The following CACNA2D3 variants were observed in gnomAD, a reference collection of about 807,000 sequenced individuals.
The protein encoded by CACNA2D3 is voltage-dependent calcium channel subunit alpha-2/delta-3.
Under a neutral mutation model 160.6 loss-of-function variants are expected in CACNA2D3, and 60 were observed. The ratio of observed to expected loss-of-function variants is 0.37; its 90% CI spans 0.30 to 0.46. The LOEUF is 0.46. Ranked by LOEUF, CACNA2D3 falls within the 20% of genes least tolerant of loss-of-function variation. CACNA2D3 has a pLI of 1.00. For synonymous variants in CACNA2D3, 558 were observed against 492.9 expected (o/e 1.13, Z -1.75); for missense variants, 1,205 against 1,365.0 (o/e 0.88, Z 1.85).
intron 2 of CACNA2D3, among the ~76,000 whole-genome samples, chr3:54,135,172 G>A (rs935125609): frequency 2.0e-5 from 3 of 152,204 alleles, no homozygotes; most frequent in Non-Finnish European, 4.4e-5. Flanking sequence ...TTCTCGGGGA[G>A]CTGCTTCTTT....
Position 54,911,079 on chromosome 3 carries a change from T to C in CACNA2D3, c.2449+11211T>C, listed in dbSNP as rs191281103. On this transcript the variant is annotated intron_variant, in intron 27 of 37. Coordinates refer to ENST00000474759, the MANE Select transcript of CACNA2D3 (RefSeq NM_018398.3). ...TCCCATATTATTTTAAATCAAATCT[T>C]AGTCATTACATCGTTTCATTCATAA... 2.7e-3 allele frequency among the ~76,000 whole-genome samples: 409 copies of C among 152,248 alleles called. 1 individual carries two copies. The highest frequency in any genetic ancestry group is 9.4e-3 in the African/African-American group (391 of 41,528).
In CACNA2D3 at chr3:55,051,707, G is replaced by A. The variant is rs544359214; in HGVS notation, c.2988-21738G>A. 8.5e-4 allele frequency among the ~76,000 whole-genome samples: 130 copies of A among 152,214 alleles called. 2 individuals carry two copies. Among genetic ancestry groups the A allele is most frequent in the South Asian group, 7.9e-3 (38 of 4,820 alleles). On this transcript the variant is annotated intron_variant, in intron 35 of 37. Coordinates refer to ENST00000474759, the MANE Select transcript of CACNA2D3 (RefSeq NM_018398.3). ...TGGCGGGCGCCCCTCCCCCAGCCTC[G>A]CTGCCGCCTTGCAGTTTGATCTCAG...
chr3:55,013,454 T>C (rs1172734179), intron 34 of CACNA2D3, among the ~76,000 whole-genome samples: 2 of 152,174 alleles, frequency 1.3e-5, no homozygotes, highest in Non-Finnish European at 2.9e-5. Context: ...ATCTACAGGG[T>C]TGCTGTCATT....
At chr3:54,609,152 G>A (rs1242549620) in intron 9 of CACNA2D3, among the ~76,000 whole-genome samples, 1 of 152,126 alleles carries the variant, frequency 6.6e-6, no homozygotes, top group Non-Finnish European at 1.5e-5. Flanking sequence ...CAATATGGTA[G>A]CTGTTCTTAT....
chr3:54,940,648 G>C (rs1054482158), intron 27 of CACNA2D3, among the ~76,000 whole-genome samples: 1 of 151,190 alleles, frequency 6.6e-6, no homozygotes, highest in South Asian at 2.1e-4. Context: ...AGTTTTCTGG[G>C]TGTGAATGCC....
intron 11 of CACNA2D3, among the ~76,000 whole-genome samples, chr3:54,661,337 A>C (rs1003838584): frequency 1.3e-5 from 2 of 152,306 alleles, no homozygotes; most frequent in South Asian, 4.1e-4. Context: ...TTTTGCTTTC[A>C]GATGATGTGT....
chr3:54,710,139 G>A (rs1700928998), intron 11 of CACNA2D3, among the ~76,000 whole-genome samples: 1 of 152,174 alleles, frequency 6.6e-6, no homozygotes, highest in Non-Finnish European at 1.5e-5. Flanking sequence ...CATTGAATTA[G>A]CACCTATGAA....
chr3:54,973,404 G>A (rs982070175), intron 29 of CACNA2D3, among the ~76,000 whole-genome samples: 1 of 152,196 alleles, frequency 6.6e-6, no homozygotes, highest in Admixed American at 6.5e-5. Flanking sequence ...AGGTGAGAAG[G>A]TGTCTCCTAC....
intron 4 of CACNA2D3, among the ~76,000 whole-genome samples, chr3:54,427,340 C>T (rs541140687): frequency 6.4e-4 from 98 of 152,246 alleles, no homozygotes; most frequent in Middle Eastern, 6.8e-3. Context: ...TTGGGTCTCC[C>T]ATCCAGAAAA....
At chr3:54,843,064 C>T (rs887395097) in intron 16 of CACNA2D3, among the ~76,000 whole-genome samples, 5 of 149,824 alleles carry the variant, frequency 3.3e-5, no homozygotes, top group East Asian at 2.0e-4. Context: ...CGGGTTCAAG[C>T]GATTCTCCTG....
chr3:54,851,083 T>C (rs1167711443), intron 17 of CACNA2D3, among the ~76,000 whole-genome samples: 1 of 152,236 alleles, frequency 6.6e-6, no homozygotes, highest in Non-Finnish European at 1.5e-5. Context: ...GTAGAGAAGA[T>C]GCGCTTTTTA....
At chr3:54,809,187 C>T (rs1013425816) in intron 13 of CACNA2D3, among the ~76,000 whole-genome samples, 1 of 151,316 alleles carries the variant, frequency 6.6e-6, no homozygotes, top group Non-Finnish European at 1.5e-5. Flanking sequence ...TTCTTCCTTT[C>T]TTCCTTCTTT....
chr3:54,273,425 T>C (rs1339103065), intron 2 of CACNA2D3, among the ~76,000 whole-genome samples: 1 of 152,212 alleles, frequency 6.6e-6, no homozygotes, highest in Non-Finnish European at 1.5e-5. Flanking sequence ...CCATTCTAGC[T>C]TCCCTGCTTT....
intron 4 of CACNA2D3, among the ~76,000 whole-genome samples, chr3:54,497,744 A>T (rs1224236405): frequency 6.6e-6 from 1 of 151,940 alleles, no homozygotes; most frequent in African/African-American, 2.4e-5. Context: ...TTTTTTGTAA[A>T]TCCTTTTCAT....
chr3:54,788,397 A>G (rs1702681670), intron 13 of CACNA2D3, among the ~76,000 whole-genome samples: 1 of 152,178 alleles, frequency 6.6e-6, no homozygotes. Context: ...AAGATCTGTC[A>G]GGGCACCCAG....
At chr3:54,861,822 T>A (rs1699297621) in intron 17 of CACNA2D3, among the ~76,000 whole-genome samples, 1 of 152,236 alleles carries the variant, frequency 6.6e-6, no homozygotes, top group African/African-American at 2.4e-5. Context: ...CCATTCCAGC[T>A]CCTGCCTGTG....
At chr3:54,723,707 G>A (rs1701220608) in intron 11 of CACNA2D3, among the ~76,000 whole-genome samples, 1 of 152,182 alleles carries the variant, frequency 6.6e-6, no homozygotes, top group African/African-American at 2.4e-5. Context: ...CCCTCCGTGG[G>A]CTGCACCCAC....
At chr3:54,388,827 A>T (rs1435295054) in intron 4 of CACNA2D3, among the ~76,000 whole-genome samples, 2 of 152,076 alleles carry the variant, frequency 1.3e-5, no homozygotes, top group East Asian at 1.9e-4. Context: ...GATTATAAGG[A>T]CCTCTTGAGT....
intron 3 of CACNA2D3, among the ~76,000 whole-genome samples, chr3:54,379,015 G>T (rs1462251435): frequency 3.3e-5 from 5 of 152,150 alleles, no homozygotes; most frequent in African/African-American, 1.2e-4. Flanking sequence ...CATGTCTTCT[G>T]ATGTAAACTC....
Sources: allele counts gnomAD v4.1 joint callset (sites outside exome capture counted in the v4.1 genomes callset), GRCh38; gene constraint gnomAD v4.1.1; transcripts MANE v1.5; gene names NCBI Gene and HGNC (gene_info 2026-07-23, HGNC 2026-07-21).